CDH2: variants seen among roughly 807,000 people sequenced by gnomAD.
The protein encoded by CDH2 is cadherin-2.
Under a neutral mutation model 92.0 loss-of-function variants are expected in CDH2, and 17 were observed. The observed-to-expected ratio is 0.18, with a 90% CI of 0.13 to 0.28. CDH2 has a LOEUF of 0.28. CDH2 is among the 10% of genes least tolerant of loss of function. The pLI, the probability that CDH2 is intolerant of heterozygous loss-of-function variation, is 1.00. For synonymous variants in CDH2, 419 were observed against 415.9 expected (o/e 1.01, Z -0.09); for missense variants, 862 against 1,133.1 (o/e 0.76, Z 3.44).
chr18:28,047,258 A>T (rs1422663486), intron 2 of CDH2, among the ~76,000 whole-genome samples: 1 of 152,240 alleles, frequency 6.6e-6, no homozygotes, highest in East Asian at 1.9e-4. Flanking sequence ...GATACTGATT[A>T]AAATTAGATA....
intron 5 of CDH2, among the ~76,000 whole-genome samples, chr18:28,006,988 A>T (rs2012942966): frequency 6.6e-6 from 1 of 151,064 alleles, no homozygotes; most frequent in South Asian, 2.1e-4. Flanking sequence ...CCTGGCCAAC[A>T]TGGTGAAAAC....
intron 11 of CDH2, among the ~76,000 whole-genome samples, chr18:27,986,904 T>G (rs1165449951): frequency 6.6e-6 from 1 of 152,188 alleles, no homozygotes; most frequent in Non-Finnish European, 1.5e-5. Context: ...AATATGTAGG[T>G]AGTGAAACAA....
chr18:28,050,593 ATACT>A (rs2014170796), intron 2 of CDH2, among the ~76,000 whole-genome samples: 1 of 152,216 alleles, frequency 6.6e-6, no homozygotes, highest in African/African-American at 2.4e-5. Flanking sequence ...TGCTTCTTTA[ATACT>A]TACCATATTT....
At chr18:28,079,350 G>C (rs912292667) in intron 2 of CDH2, among the ~76,000 whole-genome samples, 2 of 152,084 alleles carry the variant, frequency 1.3e-5, no homozygotes, top group African/African-American at 4.8e-5. Flanking sequence ...TTTTACAATA[G>C]AGCACAGTGT....
At chr18:27,979,856 A>T (rs894208995) in intron 14 of CDH2, among the ~76,000 whole-genome samples, 1 of 152,186 alleles carries the variant, frequency 6.6e-6, no homozygotes, top group Non-Finnish European at 1.5e-5. Flanking sequence ...GGTGCTGGAA[A>T]TGTTCTTTGT....
intron 2 of CDH2, among the ~76,000 whole-genome samples, chr18:28,141,548 C>T (rs974277671): frequency 4.6e-5 from 7 of 151,914 alleles, no homozygotes; most frequent in Non-Finnish European, 8.8e-5. Context: ...TTTTAAAGTT[C>T]AGAATCTAAT....
At chr18:27,958,969 G>A (rs1379029964) in intron 15 of CDH2, among the ~76,000 whole-genome samples, 1 of 152,144 alleles carries the variant, frequency 6.6e-6, no homozygotes, top group Non-Finnish European at 1.5e-5. Flanking sequence ...GGAAATGTGA[G>A]TTGATTAAAC....
At chr18:28,016,178 A>G (rs1304709684) in intron 2 of CDH2, among the ~76,000 whole-genome samples, 1 of 152,160 alleles carries the variant, frequency 6.6e-6, no homozygotes, top group Non-Finnish European at 1.5e-5. Flanking sequence ...CTTTATGTTT[A>G]TAATAATAAT....
chr18:28,020,819 T>G (rs2013389358), intron 2 of CDH2, among the ~76,000 whole-genome samples: 1 of 151,994 alleles, frequency 6.6e-6, no homozygotes, highest in Non-Finnish European at 1.5e-5. Flanking sequence ...CTTTAGTTAA[T>G]AATAATGCAT....
At chr18:27,996,124 C>T (rs2012573616) in intron 7 of CDH2, among the ~76,000 whole-genome samples, 1 of 152,064 alleles carries the variant, frequency 6.6e-6, no homozygotes, top group African/African-American at 2.4e-5. Flanking sequence ...TCAATCCTTC[C>T]CTCTCCGAAA....
At chr18:28,045,750 A>G (rs1473868233) in intron 2 of CDH2, among the ~76,000 whole-genome samples, 1 of 152,210 alleles carries the variant, frequency 6.6e-6, no homozygotes, top group African/African-American at 2.4e-5. Context: ...GCCTGTTTAC[A>G]TATTTTCCCA....
At chr18:27,991,164 C>T (rs965636067) in intron 9 of CDH2, among the ~76,000 whole-genome samples, 2 of 152,194 alleles carry the variant, frequency 1.3e-5, no homozygotes, top group African/African-American at 4.8e-5. Context: ...TGGACATTCA[C>T]TCTTAATTTT....
At chr18:27,999,786 C>T (rs1406824449) in intron 7 of CDH2, among the ~76,000 whole-genome samples, 1 of 151,608 alleles carries the variant, frequency 6.6e-6, no homozygotes, top group Non-Finnish European at 1.5e-5. Context: ...TGTGTCCCCA[C>T]CCAAATCTCA....
intron 2 of CDH2, among the ~76,000 whole-genome samples, chr18:28,043,461 AATATATATATAT>A (rs1158754890): frequency 2.2e-4 from 16 of 71,968 alleles, no homozygotes; most frequent in East Asian, 1.1e-3. Flanking sequence ...GATATAAATA[AATATATATATAT>A]ATATATATAT....
chr18:28,067,427 T>G (rs1194292078), intron 2 of CDH2, among the ~76,000 whole-genome samples: 1 of 152,160 alleles, frequency 6.6e-6, no homozygotes, highest in African/African-American at 2.4e-5. Context: ...ACTACTAATC[T>G]ACCTTCTGTC....
At chr18:28,145,873 T>A (rs542521765) in intron 2 of CDH2, among the ~76,000 whole-genome samples, 1 of 151,974 alleles carries the variant, frequency 6.6e-6, no homozygotes, top group African/African-American at 2.4e-5. Flanking sequence ...CAAGTGGATA[T>A]ACCAAAACTG....
Position 28,011,986 on chromosome 18 carries a change from C to T in CDH2, c.406G>A (p.Ala136Thr). 5 of 1,613,280 alleles carry T rather than the reference C, an allele frequency of 3.1e-6. No individual in the cohort carries two copies. Among genetic ancestry groups the T allele is most frequent in the Non-Finnish European group, 4.2e-6 (5 of 1,179,466 alleles). Reference protein sequence around the residue: ...TLTEESVKESAEVEEIVFPRQ... With the variant: ...TLTEESVKESTEVEEIVFPRQ... ...GGGAACACTATTTCTTCAACTTCTG[C>T]TGACTCCTTTACATTAAAATAGAAG... is the stretch of plus-strand genomic sequence containing the variant. The change falls in exon 4 of 16, where the codon GCA (alanine) becomes ACA (threonine). Residue 136 changes from alanine to threonine, a missense_variant. Physicochemically the swap from Ala to Thr is moderately conservative, Grantham distance 58. This residue lies in a region of CDH2 where 159 missense variants were observed against 177.2 expected (regional missense o/e 0.90). Coordinates refer to ENST00000269141, the MANE Select transcript of CDH2 (RefSeq NM_001792.5).
chr18:27,952,091 CT>C lies in CDH2; in HGVS notation c.*61del. 1.4e-6 allele frequency: 2 copies of C among 1,403,500 alleles called. No homozygotes were observed. The highest frequency in any genetic ancestry group is 2.0e-6 in the Non-Finnish European group (2 of 990,120). 86.9% of individuals were successfully genotyped at this position (1,403,500 alleles called of 1,614,324 possible). A position where few individuals can be genotyped will look rare whatever the true frequency, so the allele number is the denominator to read the frequency against. On this transcript the variant is annotated 3_prime_UTR_variant, in exon 16 of 16. Coordinates refer to ENST00000269141, the MANE Select transcript of CDH2 (RefSeq NM_001792.5). ...AAAGTTAAAGCCTAGCTTCTGAATGCTTTTTGGGAATATCAGTTGAAATTGT... is the reference window on the plus strand; with the variant it reads ...AAAGTTAAAGCCTAGCTTCTGAATGCTTTTGGGAATATCAGTTGAAATTGT...
intron 2 of CDH2, among the ~76,000 whole-genome samples, chr18:28,044,481 A>G (rs1234924070): frequency 2.6e-5 from 4 of 152,156 alleles, no homozygotes; most frequent in South Asian, 4.1e-4. Context: ...CATCTTGCTA[A>G]AAACTTTCAA....
Sources: gnomAD v4.1 joint callset for allele counts (sites outside exome capture counted in the v4.1 genomes callset) on GRCh38, gnomAD v4.1.1 for gene constraint, gnomAD v4.1.1 regional missense constraint, MANE v1.5 for transcripts, NCBI Gene and HGNC (gene_info 2026-07-23, HGNC 2026-07-21) for gene names.